The following KCNMA1 variants were observed in gnomAD, a reference collection of about 807,000 sequenced individuals.
The protein encoded by KCNMA1 is Calcium-activated potassium channel subunit alpha-1.
A neutral mutation model predicts 140.0 loss-of-function variants in KCNMA1; 29 were observed. The ratio of observed to expected loss-of-function variants is 0.21; its 90% CI spans 0.15 to 0.28. KCNMA1 has a LOEUF of 0.28. Among genes scored for constraint, KCNMA1 ranks in the 10% least tolerant of loss-of-function variants. The pLI is 1.00. For synonymous variants in KCNMA1, 612 were observed against 611.9 expected, an observed-to-expected ratio of 1.00 and a Z score of 0.00; for missense variants, 880 against 1,602.2, an observed-to-expected ratio of 0.55 and a Z score of 7.70.
At chr10:76,936,281 T>G (rs375964782) in intron 23 of KCNMA1, among the ~76,000 whole-genome samples, 1 of 152,168 alleles carries the variant, frequency 6.6e-6, no homozygotes, top group South Asian at 2.1e-4. Flanking sequence ...GTAAGCTCTT[T>G]TAATGAAATG....
chr10:77,354,142 A>G (rs1265624767), intron 2 of KCNMA1, among the ~76,000 whole-genome samples: 1 of 152,156 alleles, frequency 6.6e-6, no homozygotes, highest in Non-Finnish European at 1.5e-5. Flanking sequence ...GCGTGCCACC[A>G]CACCCAGCTA....
At chr10:77,111,412 C>T (rs999951823) in intron 7 of KCNMA1, among the ~76,000 whole-genome samples, 2 of 152,168 alleles carry the variant, frequency 1.3e-5, no homozygotes, top group African/African-American at 4.8e-5. Flanking sequence ...CACTAATACC[C>T]GTAGTAAGGT....
intron 13 of KCNMA1, among the ~76,000 whole-genome samples, chr10:77,075,417 G>A (rs2096363048): frequency 6.6e-6 from 1 of 152,250 alleles, no homozygotes; most frequent in Non-Finnish European, 1.5e-5. Context: ...AGCATTGTGT[G>A]TGAAAGGAGA....
At chr10:76,977,650 G>A (rs1360590435) in intron 19 of KCNMA1, 5 of 702,854 alleles carry the variant, frequency 7.1e-6, no homozygotes, top group Non-Finnish European at 1.3e-5. Flanking sequence ...TGCCAAGACA[G>A]CCAAATAACA....
At chr10:77,192,560 T>C (rs1467132780) in intron 3 of KCNMA1, among the ~76,000 whole-genome samples, 1 of 152,152 alleles carries the variant, frequency 6.6e-6, no homozygotes, top group Non-Finnish European at 1.5e-5. Context: ...TTTGACCTCT[T>C]CAAGTCTTTG....
intron 5 of KCNMA1, among the ~76,000 whole-genome samples, chr10:77,145,870 A>G (rs1338035817): frequency 1.3e-5 from 2 of 152,228 alleles, no homozygotes; most frequent in African/African-American, 4.8e-5. Context: ...AGTGAGCATT[A>G]GCAAGTTCCT....
chr10:76,917,040 T>C (rs1454125017), intron 23 of KCNMA1, among the ~76,000 whole-genome samples: 3 of 152,208 alleles, frequency 2.0e-5, no homozygotes, highest in African/African-American at 7.2e-5. Flanking sequence ...CTTTCGAATA[T>C]ATGTTTTTCA....
chr10:77,465,178 C>T (rs1207660528), intron 1 of KCNMA1, among the ~76,000 whole-genome samples: 2 of 152,198 alleles, frequency 1.3e-5, no homozygotes, highest in Non-Finnish European at 2.9e-5. Context: ...CTGAGCGTGG[C>T]AATGAGGCCT....
intron 14 of KCNMA1, among the ~76,000 whole-genome samples, chr10:77,048,854 G>A (rs1399432421): frequency 1.3e-5 from 2 of 152,018 alleles, no homozygotes; most frequent in Non-Finnish European, 2.9e-5. Flanking sequence ...TCCCCCTCGC[G>A]GGTTCATGCC....
At chr10:77,281,936 A>G (rs2068753176) in intron 2 of KCNMA1, among the ~76,000 whole-genome samples, 2 of 152,076 alleles carry the variant, frequency 1.3e-5, no homozygotes, top group Admixed American at 6.6e-5. Flanking sequence ...TTCCCCAGAC[A>G]CTCCAATCCA....
At chr10:76,915,070 G>T in intron 23 of KCNMA1, 21 bp from the exon 24 acceptor site, 1 of 1,567,908 alleles carries the variant, frequency 6.4e-7, no homozygotes, top group Non-Finnish European at 8.8e-7. Flanking sequence ...GGAAACAGAG[G>T]AGGAAGAAAA....
intron 12 of KCNMA1, among the ~76,000 whole-genome samples, chr10:77,081,264 G>GC (rs2096559112): frequency 6.6e-6 from 1 of 152,196 alleles, no homozygotes; most frequent in African/African-American, 2.4e-5. Context: ...AACAGTACCT[G>GC]CTTTATTTAC....
At chr10:77,539,808 G>A (rs555337794) in intron 1 of KCNMA1, among the ~76,000 whole-genome samples, 14 of 152,262 alleles carry the variant, frequency 9.2e-5, no homozygotes, top group African/African-American at 2.9e-4. Flanking sequence ...GCTCTGCTTC[G>A]TAATCTGCCC....
intron 1 of KCNMA1, among the ~76,000 whole-genome samples, chr10:77,578,607 C>T (rs1312267120): frequency 6.6e-6 from 1 of 152,180 alleles, no homozygotes; most frequent in East Asian, 1.9e-4. Flanking sequence ...CAACCTCTCA[C>T]CACCTCCTGG....
At chr10:77,423,820 G>T (rs1022182895) in intron 1 of KCNMA1, among the ~76,000 whole-genome samples, 1 of 152,050 alleles carries the variant, frequency 6.6e-6, no homozygotes, top group African/African-American at 2.4e-5. Context: ...ATGAGAGAGG[G>T]GTCTGATTCT....
At chr10:77,322,202 G>T (rs777953500) in intron 2 of KCNMA1, among the ~76,000 whole-genome samples, 2 of 152,282 alleles carry the variant, frequency 1.3e-5, no homozygotes, top group African/African-American at 2.4e-5. Context: ...GACTAGGAGG[G>T]ACATATATTA....
intron 14 of KCNMA1, among the ~76,000 whole-genome samples, chr10:77,066,580 A>G (rs970469968): frequency 6.6e-6 from 1 of 152,066 alleles, no homozygotes; most frequent in African/African-American, 2.4e-5. Flanking sequence ...TTCAGGGGAG[A>G]GGTTCTTCAT....
intron 1 of KCNMA1, among the ~76,000 whole-genome samples, chr10:77,557,957 AT>A (rs2065123780): frequency 6.6e-6 from 1 of 152,252 alleles, no homozygotes; most frequent in Admixed American, 6.5e-5. Context: ...CCAGAATGGA[AT>A]TATAGAAAGA....
At chr10:76,915,380 C>T (rs1409782036) in intron 23 of KCNMA1, among the ~76,000 whole-genome samples, 2 of 152,078 alleles carry the variant, frequency 1.3e-5, no homozygotes, top group Admixed American at 6.6e-5. Context: ...TAGGTATGGC[C>T]ATGTGACACA....
Sources: allele counts gnomAD v4.1 joint callset (sites outside exome capture counted in the v4.1 genomes callset), GRCh38; gene constraint gnomAD v4.1.1; transcripts MANE v1.5; gene names NCBI Gene and HGNC (gene_info 2026-07-23, HGNC 2026-07-21).